The following MAPKAPK5 variants were observed in gnomAD, a reference collection of about 807,000 sequenced individuals.
MAPKAPK5 encodes MAPK activated protein kinase 5.
Under a neutral mutation model 65.1 loss-of-function variants are expected in MAPKAPK5, and 30 were observed. The ratio of observed to expected loss-of-function variants is 0.46; its 90% CI spans 0.34 to 0.63. The LOEUF is 0.63. Ranked by LOEUF, MAPKAPK5 falls within the 20% of genes least tolerant of loss-of-function variation. The probability of loss-of-function intolerance (pLI) is 0.01; values close to 1 mark genes in which losing one functional copy is unlikely to be tolerated. For missense variants in MAPKAPK5, 433 were observed against 581.4 expected (o/e 0.74, Z 2.63); for synonymous variants, 179 against 204.6 (o/e 0.87, Z 1.07).
chr12:111,898,063 T>G lies in MAPKAPK5; in HGVS notation c.*5002T>G, dbSNP rs1334041455. 2 of 152,112 alleles carry G rather than the reference T, an allele frequency of 1.3e-5. No homozygotes were observed. The highest frequency in any genetic ancestry group is 4.8e-5 in the African/African-American group (2 of 41,414). The allele number at this position is 152,112 out of a possible 1,614,324, so 9.4% of individuals were successfully genotyped here. A position where few individuals can be genotyped will look rare whatever the true frequency, so the allele number is the denominator to read the frequency against. On this transcript the variant is annotated 3_prime_UTR_variant, in exon 14 of 14. Transcript: ENST00000550735. ...GACTTCCACAGACATTTCAGGTCAA[T>G]TTTAGTTCCAAACCGAAGAAATCTT... is the stretch of plus-strand genomic sequence containing the variant.
intron 5 of MAPKAPK5, 133 bp from the exon 6 acceptor site, chr12:111,870,138 T>C: frequency 4.1e-6 from 2 of 492,506 alleles, no homozygotes; most frequent in African/African-American, 3.9e-5. Context: ...TTTTTCTTAA[T>C]TTCTGCTTTA....
chr12:111,848,365 A>G (rs906838713), intron 1 of MAPKAPK5, among the ~76,000 whole-genome samples: 5 of 149,404 alleles, frequency 3.3e-5, no homozygotes, highest in African/African-American at 1.2e-4. Context: ...CAGATTTGAC[A>G]TTCATGTTTC....
At chr12:111,854,834 G>T (rs1377680477) in intron 1 of MAPKAPK5, among the ~76,000 whole-genome samples, 1 of 152,150 alleles carries the variant, frequency 6.6e-6, no homozygotes, top group Non-Finnish European at 1.5e-5. Context: ...GAACTATCTG[G>T]CTCAAAATGT....
rs780782397 is a variant in MAPKAPK5 at position 111,880,516 on chromosome 12, A to C, written c.649A>C (p.Thr217Pro). 1.2e-6 allele frequency: 2 copies of C among 1,613,796 alleles called. No homozygotes were observed. The highest frequency in any genetic ancestry group is 1.7e-6 in the Non-Finnish European group (2 of 1,179,770). Residue 217 changes from threonine (T) to proline (P), a missense_variant, in exon 8 of 14, where the codon ACT becomes CCT. Physicochemically the swap from Thr to Pro is conservative, Grantham distance 38. Coordinates refer to ENST00000550735, the MANE Select transcript of MAPKAPK5 (RefSeq NM_003668.4). ...CATACCTACCTCACCGACGCCCTAC[A>C]CTTACAACAAGGTACAGGAAGAGAT... is the stretch of plus-strand genomic sequence containing the variant. ...GIIPTSPTPY[T>P]YNKSCDLWSL...
chr12:111,890,089 GTATA>G lies in MAPKAPK5; in HGVS notation c.1267_1270del (p.Tyr423ThrfsTer7). On this transcript the variant is annotated frameshift_variant, in exon 13 of 14. Transcript: ENST00000550735. LOFTEE classifies it high-confidence loss of function. ...ATGAAGTAATGCAGGAGGCTTGGAAGTATAACCGGGAATGCAAACTCCTAAGAGA... is the reference window on the plus strand; with the variant it reads ...ATGAAGTAATGCAGGAGGCTTGGAAGACCGGGAATGCAAACTCCTAAGAGA... 1 of 1,600,266 alleles carries G rather than the reference GTATA, an allele frequency of 6.2e-7. No individual in the cohort carries two copies. Among genetic ancestry groups the G allele is most frequent in the Non-Finnish European group, 8.5e-7 (1 of 1,173,688 alleles).
rs981285144 is a variant in MAPKAPK5, at chr12:111,900,216, G to T, written c.*7155G>T. The T allele has an allele frequency of 6.6e-6, 3 of 455,934 alleles. No homozygotes were observed. 28.2% of individuals were successfully genotyped at this position (455,934 alleles called of 1,614,324 possible). On this transcript the variant is annotated 3_prime_UTR_variant, in exon 14 of 14. Coordinates refer to ENST00000550735, the MANE Select transcript of MAPKAPK5 (RefSeq NM_003668.4). ...GATGCTCTTCCATCGTGCAAAACAC[G>T]ATGTTGCCCACATGATCGTTGGGCA...
At chr12:111,885,387 C>T (rs1323912189) in intron 9 of MAPKAPK5, 1 of 152,408 alleles carries the variant, frequency 6.6e-6, no homozygotes, top group African/African-American at 2.4e-5. Flanking sequence ...CCATCCCTGT[C>T]TCAGAGACTC....
intron 1 of MAPKAPK5, among the ~76,000 whole-genome samples, chr12:111,864,131 C>T (rs555591912): frequency 1.3e-4 from 20 of 152,072 alleles, no homozygotes; most frequent in African/African-American, 4.6e-4. Context: ...AAAAATTAGC[C>T]AGATGCTGTG....
intron 4 of MAPKAPK5, 52 bp downstream of exon 4, chr12:111,867,721 G>T: frequency 7.3e-7 from 1 of 1,370,112 alleles, no homozygotes; most frequent in East Asian, 2.3e-5. Flanking sequence ...CCAATGTGTA[G>T]TGGAGCTGTC....
intron 4 of MAPKAPK5, 78 bp downstream of exon 4, chr12:111,867,747 T>C: frequency 1.0e-6 from 1 of 977,316 alleles, no homozygotes; most frequent in Non-Finnish European, 1.6e-6. Flanking sequence ...TTTTATGTGC[T>C]CCCTCCCCTT....
In MAPKAPK5 at chr12:111,883,696, T is replaced by A; in HGVS notation, c.776T>A (p.Met259Lys). The part of the protein sequence containing the change: ...TIPKDMRRKI[M>K]TGSFEFPEEE... Reference sequence around the variant, plus strand: ...CCAAAGGATATGCGAAGAAAGATCATGACAGGCAGTTTTGAGTTCCCAGAG... The same window carrying A: ...CCAAAGGATATGCGAAGAAAGATCAAGACAGGCAGTTTTGAGTTCCCAGAG... The change falls in exon 9 of 14, where the codon ATG (methionine) becomes AAG (lysine). Residue 259 changes from methionine to lysine, a missense_variant. By Grantham distance (95) the Met-to-Lys change is moderately conservative. Around this residue, in one of 3 missense-constraint regions of MAPKAPK5, gnomAD observed 99 missense variants for 185.8 expected, o/e 0.53. Coordinates refer to ENST00000550735, the MANE Select transcript of MAPKAPK5 (RefSeq NM_003668.4). The surrounding 1 kb of genome is among the most constrained non-coding windows in gnomAD (Gnocchi z 4.8). 6.2e-7 allele frequency: 1 copy of A among 1,613,994 alleles called. No homozygotes were observed. Among genetic ancestry groups the A allele is most frequent in the Middle Eastern group, 1.6e-4 (1 of 6,062 alleles).
chr12:111,850,818 G>T (rs1158404548), intron 1 of MAPKAPK5, among the ~76,000 whole-genome samples: 1 of 152,086 alleles, frequency 6.6e-6, no homozygotes, highest in Non-Finnish European at 1.5e-5. Context: ...GCTAACCTCT[G>T]AGCCTTCAAG....
chr12:111,890,194 T>C (rs1056291052), intron 13 of MAPKAPK5, 50 bp downstream of exon 13: 2 of 1,331,058 alleles, frequency 1.5e-6, no homozygotes, highest in Non-Finnish European at 2.1e-6. Flanking sequence ...CAAGTGATTA[T>C]GTTTAGAACA....
Position 111,842,708 on chromosome 12 carries a change from TC to T in MAPKAPK5, c.-23del, listed in dbSNP as rs755163873. 7 of 1,372,180 alleles carry T rather than the reference TC, an allele frequency of 5.1e-6. No homozygotes were observed. In the East Asian group the frequency reaches 1.9e-4, roughly 38 times the overall value. 85.0% of individuals were successfully genotyped at this position (1,372,180 alleles called of 1,614,324 possible). ...AGGGCTGCTGAGCAGCCTCCGCCTC[TC>T]CCGGCTGTGGGGGCCCCACTGAGTA... is the stretch of plus-strand genomic sequence containing the variant. On this transcript the variant is annotated 5_prime_UTR_variant, in exon 1 of 14. Transcript: ENST00000550735.
At position 111,880,485 on chromosome 12, in the gene MAPKAPK5, T is replaced by C. The variant is rs750421039; in HGVS notation, c.618T>C (p.Ser206=). 1 of 1,613,912 alleles carries C rather than the reference T, an allele frequency of 6.2e-7. No homozygotes were observed. The highest frequency in any genetic ancestry group is 2.2e-5 in the East Asian group (1 of 44,872). ...EAQRRHQKEK[S]GIIPTSPTPY... ...AAAGAAGGCATCAGAAGGAGAAATC[T>C]GGCATCATACCTACCTCACCGACGC... The change falls in exon 8 of 14, where the codon TCT becomes TCC. Residue 206 remains serine, a synonymous_variant. Coordinates refer to ENST00000550735, the MANE Select transcript of MAPKAPK5 (RefSeq NM_003668.4).
At chr12:111,890,867 A>C (rs1004987734) in intron 13 of MAPKAPK5, among the ~76,000 whole-genome samples, 1 of 151,868 alleles carries the variant, frequency 6.6e-6, no homozygotes, top group Non-Finnish European at 1.5e-5. Context: ...CATGTTGGCC[A>C]GGCTGGTCTT....
intron 4 of MAPKAPK5, 63 bp from the exon 5 acceptor site, chr12:111,868,690 G>C: frequency 7.9e-7 from 1 of 1,268,540 alleles, no homozygotes; most frequent in Non-Finnish European, 1.1e-6. Flanking sequence ...AATGTTTCAG[G>C]GTTTTTTGTT....
intron 7 of MAPKAPK5, among the ~76,000 whole-genome samples, chr12:111,875,586 T>G (rs527257235): frequency 6.6e-6 from 1 of 152,146 alleles, no homozygotes; most frequent in South Asian, 2.1e-4. Flanking sequence ...GGTATCTGTT[T>G]CTCTGCTGTT....
intron 3 of MAPKAPK5, 127 bp from the exon 4 acceptor site, chr12:111,867,445 G>A: frequency 1.7e-6 from 1 of 603,276 alleles, no homozygotes; most frequent in Non-Finnish European, 2.9e-6. Flanking sequence ...TGAAAACACT[G>A]GGTTTTTACA....
Sources: gnomAD v4.1 joint callset for allele counts (sites outside exome capture counted in the v4.1 genomes callset) on GRCh38, gnomAD v4.1.1 for gene constraint, gnomAD v4.1.1 regional missense constraint, Gnocchi (gnomAD v3.1) non-coding constraint, MANE v1.5 for transcripts, NCBI Gene and HGNC (gene_info 2026-07-23, HGNC 2026-07-21) for gene names.